The following KIF7 variants were observed in gnomAD, a reference collection of about 807,000 sequenced individuals.
KIF7 encodes the protein kinesin-like protein KIF7.
KIF7 carries 104 observed loss-of-function variants against 135.7 expected under a neutral mutation model. That is an observed-to-expected ratio of 0.77 (90% confidence interval 0.65 to 0.90). The LOEUF is 0.90. Among genes scored for constraint, KIF7 ranks in the 40% least tolerant of loss-of-function variants. The pLI, the probability that KIF7 is intolerant of heterozygous loss-of-function variation, is 0.00. For synonymous variants in KIF7, 883 were observed against 809.4 expected, an observed-to-expected ratio of 1.09 and a Z score of -1.54; for missense variants, 2,005 against 1,839.1, an observed-to-expected ratio of 1.09 and a Z score of -1.65.
At chr15:89,626,844 G>A, downstream of KIF7, 1 of 1,214,116 alleles carries the variant, frequency 8.2e-7, no homozygotes. Context: ...TCCAAGCAGT[G>A]CTGATTTTCT....
chr15:89,632,057 G>C (rs142111690), intron 14 of KIF7, among the ~76,000 whole-genome samples: 51 of 152,374 alleles, frequency 3.3e-4, no homozygotes, highest in African/African-American at 9.6e-4. Context: ...AGCCCTAAAG[G>C]CCTTTCTGGG....
intron 14 of KIF7, 45 bp downstream of exon 14, chr15:89,632,775 T>G: frequency 6.3e-7 from 1 of 1,581,468 alleles, no homozygotes; most frequent in Non-Finnish European, 8.6e-7. Context: ...TGGACCTCAC[T>G]TCACTGGACC....
Position 89,619,755 on chromosome 15 carries a change from A to G in KIF7, c.181-1560T>C, listed in dbSNP as rs1256680967. On this transcript the variant is annotated intron_variant and NMD_transcript_variant, in intron 1 of 2. Transcript: ENST00000558928. ...TCGAATCAAGCAGTTGTCATTTAGC[A>G]GGACACATTCTGCCTCCTTCTATTC... 6.2e-7 allele frequency: 1 copy of G among 1,614,048 alleles called. No homozygotes were observed. The highest frequency in any genetic ancestry group is 1.3e-5 in the African/African-American group (1 of 75,052).
upstream of KIF7, among the ~76,000 whole-genome samples, chr15:89,659,453 G>GAGAA (rs1461764387): frequency 7.0e-6 from 1 of 143,456 alleles, no homozygotes; most frequent in Non-Finnish European, 1.5e-5. Flanking sequence ...GAAAGAGAGA[G>GAGAA]AGAAAGAAAG....
chr15:89,624,730 G>A (rs770524622), downstream of KIF7: 1 of 1,614,180 alleles, frequency 6.2e-7, no homozygotes, highest in South Asian at 1.1e-5. Flanking sequence ...CGAACACCAT[G>A]GCATTGGTGA....
At chr15:89,631,953 C>T (rs1370919346) in intron 14 of KIF7, among the ~76,000 whole-genome samples, 2 of 152,140 alleles carry the variant, frequency 1.3e-5, no homozygotes, top group East Asian at 1.9e-4. Flanking sequence ...ACCAGAGGGA[C>T]GTGGCCCTCC....
At chr15:89,624,916 G>A (rs1227314770), downstream of KIF7, 1 of 1,614,064 alleles carries the variant, frequency 6.2e-7, no homozygotes, top group South Asian at 1.1e-5. Flanking sequence ...ACAGTGCCAG[G>A]CTTCGGCACA....
chr15:89,623,052 A>G (rs1963452238), downstream of KIF7, among the ~76,000 whole-genome samples: 1 of 152,216 alleles, frequency 6.6e-6, no homozygotes, highest in Admixed American at 6.5e-5. Context: ...TGATTTCCTT[A>G]CCTGTTGGAG....
At chr15:89,624,560 C>T, downstream of KIF7, 1 of 1,613,812 alleles carries the variant, frequency 6.2e-7, no homozygotes, top group Non-Finnish European at 8.5e-7. Flanking sequence ...CCAGCTGCCC[C>T]CACAGACTCT....
chr15:89,645,457 G>A lies in KIF7; in HGVS notation c.1923-6C>T, dbSNP rs368512354. The A allele has an allele frequency of 3.7e-6, 6 of 1,605,258 alleles. No homozygotes were observed. The highest frequency in any genetic ancestry group is 2.2e-5 in the East Asian group (1 of 44,594). ...TGCAGTTGCTGATCCTATTTCTGGAGGACAGAAGCAGGAGGCCATGCTCCT... is the reference window on the plus strand; with the variant it reads ...TGCAGTTGCTGATCCTATTTCTGGAAGACAGAAGCAGGAGGCCATGCTCCT... On this transcript the variant is annotated splice_polypyrimidine_tract_variant and splice_region_variant and intron_variant, in intron 8 of 18. Transcript: ENST00000394412.
downstream of KIF7, chr15:89,626,980 C>G (rs763682287): frequency 6.2e-6 from 10 of 1,614,124 alleles, no homozygotes; most frequent in Non-Finnish European, 8.5e-6. Flanking sequence ...GTTCTTCCCT[C>G]CACTGTAGAA....
At chr15:89,624,495 C>G (rs555982043), downstream of KIF7, 7 of 1,614,120 alleles carry the variant, frequency 4.3e-6, no homozygotes, top group African/African-American at 9.3e-5. Context: ...GAAGGAGCAT[C>G]GTGGAGTGTC....
chr15:89,653,304 C>T (rs151102987), intron 1 of KIF7, among the ~76,000 whole-genome samples: 311 of 152,296 alleles, frequency 2.0e-3, no homozygotes, highest in African/African-American at 6.9e-3. Context: ...ACTCCTGTCC[C>T]TAACACCCAC....
rs1252198480 is a variant in KIF7, at chr15:89,639,039, G to T, written c.2394+3164C>A. Among the ~76,000 whole-genome samples the T allele has an allele frequency of 2.0e-5, 3 of 152,144 alleles. No individual in the cohort carries two copies. In the East Asian group the frequency reaches 5.8e-4, roughly 29 times the overall value. On this transcript the variant is annotated intron_variant, in intron 11 of 18. Transcript: ENST00000394412. ...TGACAAACCTGAGAAAAGCAATGGG[G>T]AAAGGATTCCCTATTTAATAAATGG...
rs749116999 is a variant in KIF7, at chr15:89,646,030, G to A, written c.1789-4C>T. 3 of 1,613,704 alleles carry A rather than the reference G, an allele frequency of 1.9e-6. No individual in the cohort carries two copies. Among genetic ancestry groups the A allele is most frequent in the East Asian group, 2.2e-5 (1 of 44,884 alleles). On this transcript the variant is annotated splice_region_variant and splice_polypyrimidine_tract_variant and intron_variant, in intron 7 of 18. Transcript: ENST00000394412. The stretch of plus-strand genomic sequence containing the variant: ...CCTCCCTGCCATTTGTCACCTGCTA[G>A]GGGAGTGAGCCATTTCCCATCCCAA...
intron 10 of KIF7, 122 bp downstream of exon 10, chr15:89,644,891 A>G (rs928350159): frequency 7.5e-7 from 1 of 1,342,112 alleles, no homozygotes; most frequent in African/African-American, 1.4e-5. Flanking sequence ...CTGAGTATCA[A>G]ACCTAGGCCA....
downstream of KIF7, chr15:89,625,718 A>G (rs780793353): frequency 1.9e-6 from 3 of 1,613,394 alleles, no homozygotes; most frequent in South Asian, 3.3e-5. Flanking sequence ...AGTAAGAGTA[A>G]AGAGGGGTCT....
intron 10 of KIF7, among the ~76,000 whole-genome samples, chr15:89,643,837 A>G (rs1438003585): frequency 6.7e-6 from 1 of 149,886 alleles, no homozygotes; most frequent in Non-Finnish European, 1.5e-5. Context: ...GTGAGCCAAC[A>G]TCGTGCCACT....
chr15:89,642,897 C>T (rs1205984482), intron 10 of KIF7, among the ~76,000 whole-genome samples: 7 of 152,206 alleles, frequency 4.6e-5, no homozygotes, highest in African/African-American at 7.2e-5. Context: ...AAGCCTCATC[C>T]ACTGCAGCGA....
Sources: allele counts gnomAD v4.1 joint callset (sites outside exome capture counted in the v4.1 genomes callset), GRCh38; gene constraint gnomAD v4.1.1; transcripts MANE v1.5; gene names NCBI Gene and HGNC (gene_info 2026-07-23, HGNC 2026-07-21).